Variants in COA1 observed in about 807,000 individuals in gnomAD.
COA1 encodes the protein cytochrome c oxidase assembly factor 1.
In COA1, 13 loss-of-function variants were observed where a neutral mutation model predicts 16.0. The ratio of observed to expected loss-of-function variants is 0.81; its 90% confidence interval spans 0.53 to 1.29. The LOEUF is 1.29. Among genes scored for constraint, COA1 ranks in the 50% most tolerant of loss-of-function variants. The pLI, the probability that COA1 is intolerant of heterozygous loss-of-function variation, is 0.00. For synonymous variants in COA1, 65 were observed against 65.7 expected (o/e 0.99, Z 0.05); for missense variants, 179 against 177.0 (o/e 1.01, Z -0.06).
intron 1 of COA1, among the ~76,000 whole-genome samples, chr7:43,707,129 G>A (rs765535765): frequency 3.9e-5 from 6 of 152,180 alleles, no homozygotes; most frequent in Non-Finnish European, 7.3e-5. Flanking sequence ...GGCTGAAGTT[G>A]CAGTGAGCCA....
chr7:43,717,142 G>A (rs573940202), intron 1 of COA1, among the ~76,000 whole-genome samples: 2 of 152,342 alleles, frequency 1.3e-5, no homozygotes, highest in East Asian at 3.9e-4. Flanking sequence ...AGTCCCTACT[G>A]GGGCACTACC....
intron 1 of COA1, among the ~76,000 whole-genome samples, chr7:43,657,423 T>C (rs1425249366): frequency 6.6e-6 from 1 of 152,268 alleles, no homozygotes; most frequent in Non-Finnish European, 1.5e-5. Flanking sequence ...AATTTAAGTT[T>C]TAAATTAGAA....
intron 1 of COA1, among the ~76,000 whole-genome samples, chr7:43,714,204 A>C (rs1386509670): frequency 6.6e-6 from 1 of 152,040 alleles, no homozygotes; most frequent in African/African-American, 2.4e-5. Flanking sequence ...AATTAAAAAT[A>C]AAAATAAATA....
At chr7:43,683,493 G>C (rs548651415) in intron 1 of COA1, among the ~76,000 whole-genome samples, 1 of 152,212 alleles carries the variant, frequency 6.6e-6, no homozygotes, top group South Asian at 2.1e-4. Flanking sequence ...AGTTAGCCAG[G>C]CATGGTGGCA....
At chr7:43,678,294 T>C (rs2093624912) in intron 1 of COA1, among the ~76,000 whole-genome samples, 1 of 152,218 alleles carries the variant, frequency 6.6e-6, no homozygotes. Context: ...AGTATGAAGT[T>C]GGACCCTTAG....
chr7:43,611,638 T>TA (rs775409266), intron 6 of COA1, among the ~76,000 whole-genome samples: 24 of 152,184 alleles, frequency 1.6e-4, no homozygotes, highest in Non-Finnish European at 2.6e-4. Context: ...ACAAGGAAGA[T>TA]ATGGCCTCCG....
chr7:43,661,508 G>A (rs921786828), intron 1 of COA1, among the ~76,000 whole-genome samples: 11 of 152,254 alleles, frequency 7.2e-5, no homozygotes, highest in African/African-American at 1.2e-4. Flanking sequence ...GGTGGCGGGC[G>A]CCTGTAGTCC....
At chr7:43,655,910 G>A (rs2091639703) in intron 1 of COA1, 1 of 152,184 alleles carries the variant, frequency 6.6e-6, no homozygotes, top group South Asian at 2.1e-4. Flanking sequence ...TCCTGCTAGT[G>A]GGGTTCTTGC....
intron 6 of COA1, among the ~76,000 whole-genome samples, chr7:43,630,093 G>A (rs956515830): frequency 6.6e-6 from 1 of 152,122 alleles, no homozygotes; most frequent in African/African-American, 2.4e-5. Context: ...ACTACACCGC[G>A]CGGGTGAACA....
At chr7:43,671,519 G>C (rs942800481) in intron 1 of COA1, among the ~76,000 whole-genome samples, 5 of 152,122 alleles carry the variant, frequency 3.3e-5, no homozygotes, top group Non-Finnish European at 1.5e-5. Context: ...TCTAATGAAG[G>C]AGGTTAAAGT....
At position 43,696,664 on chromosome 7, in the gene COA1, TAATAA is replaced by T. The variant is rs1364399398; in HGVS notation, c.-39+32760_-39+32764del. Among the ~76,000 whole-genome samples, 6 of 151,866 alleles carry T rather than the reference TAATAA, an allele frequency of 4.0e-5. No individual in the cohort carries two copies. The East Asian group carries it at 7.7e-4, about 19-fold the overall frequency. On this transcript the variant is annotated intron_variant, in intron 1 of 5. Coordinates refer to ENST00000223336, the MANE Select transcript of COA1 (RefSeq NM_018224.4). ...TGTGTGTGTAGGCTACATCCATATA[TAATAA>T]AATAAAAATAAAAATGTTGATATAT...
At chr7:43,627,282 G>A (rs1469888360) in intron 6 of COA1, among the ~76,000 whole-genome samples, 1 of 152,230 alleles carries the variant, frequency 6.6e-6, no homozygotes, top group East Asian at 1.9e-4. Context: ...CTCTAGTAGT[G>A]GTATAGAGGA....
intron 1 of COA1, among the ~76,000 whole-genome samples, chr7:43,713,560 T>A (rs1482984826): frequency 6.6e-6 from 1 of 152,230 alleles, no homozygotes; most frequent in Admixed American, 6.5e-5. Context: ...TTCATCTTCA[T>A]CTCATCTCTC....
intron 1 of COA1, among the ~76,000 whole-genome samples, chr7:43,713,626 A>G (rs764688328): frequency 1.3e-5 from 2 of 152,130 alleles, no homozygotes; most frequent in Non-Finnish European, 2.9e-5. Flanking sequence ...TTTCCCCTGC[A>G]AAGTCTGTAT....
At chr7:43,644,937 G>C (rs2088812501) in intron 4 of COA1, among the ~76,000 whole-genome samples, 1 of 151,716 alleles carries the variant, frequency 6.6e-6, no homozygotes, top group Admixed American at 6.6e-5. Flanking sequence ...AGCCAACATG[G>C]TAGCAAACCA....
chr7:43,697,927 C>T (rs909643119), intron 1 of COA1, among the ~76,000 whole-genome samples: 2 of 152,152 alleles, frequency 1.3e-5, no homozygotes, highest in African/African-American at 2.4e-5. Flanking sequence ...CCAGTTGCCA[C>T]GGATGACTAA....
At chr7:43,637,788 A>AGAT (rs1475883306), downstream of COA1, among the ~76,000 whole-genome samples, 43 of 152,386 alleles carry the variant, frequency 2.8e-4, no homozygotes, top group African/African-American at 1.0e-3. Flanking sequence ...CCTATCAGGT[A>AGAT]GATTAGAAAA....
intron 1 of COA1, among the ~76,000 whole-genome samples, chr7:43,655,595 G>C (rs1191521866): frequency 6.6e-6 from 1 of 152,186 alleles, no homozygotes; most frequent in Non-Finnish European, 1.5e-5. Flanking sequence ...CCTGGAGTCA[G>C]AGTTTGCAGT....
chr7:43,624,120 A>G (rs1488610801), intron 6 of COA1, among the ~76,000 whole-genome samples: 1 of 152,214 alleles, frequency 6.6e-6, no homozygotes, highest in Non-Finnish European at 1.5e-5. Context: ...AATGTGAACC[A>G]TACCTCAGTA....
Sources: allele counts gnomAD v4.1 joint callset (sites outside exome capture counted in the v4.1 genomes callset), GRCh38; gene constraint gnomAD v4.1.1; transcripts MANE v1.5; gene names NCBI Gene and HGNC (gene_info 2026-07-23, HGNC 2026-07-21).